The following PNMA8B variants were observed in gnomAD, a reference collection of about 807,000 sequenced individuals.
The protein encoded by PNMA8B is paraneoplastic antigen-like protein 8B.
For missense variants in PNMA8B, 887 were observed against 885.8 expected, an observed-to-expected ratio of 1.00 and a Z score of -0.02; for synonymous variants, 386 against 394.9, an observed-to-expected ratio of 0.98 and a Z score of 0.27.
rs1362830022 is a variant in PNMA8B at position 46,494,904 on chromosome 19, C to A, written c.562G>T (p.Ala188Ser). 6.2e-7 allele frequency: 1 copy of A among 1,611,844 alleles called. No homozygotes were observed. The highest frequency in any genetic ancestry group is 2.2e-5 in the East Asian group (1 of 44,874). The part of the protein sequence containing the change: ...KKRSRGGRPS[A>S]PARSEAEDSS... ...TCCTCGGCCTCACTCCTCGCGGGAG[C>A]AGACGGCCGTCCTCCTCGGCTTCTC... Residue 188 changes from alanine to serine, a missense_variant, in exon 1 of 1, where the codon GCT becomes TCT. Coordinates refer to ENST00000599531, the MANE Select transcript of PNMA8B (RefSeq NM_020709.3).
In PNMA8B at chr19:46,494,984, C is replaced by T; in HGVS notation, c.482G>A (p.Arg161His). 2 of 1,608,840 alleles carry T rather than the reference C, an allele frequency of 1.2e-6. No individual in the cohort carries two copies. Among genetic ancestry groups the T allele is most frequent in the South Asian group, 1.1e-5 (1 of 91,084 alleles). Residue 161 changes from arginine to histidine, a missense_variant, in exon 1 of 1, where the codon CGT (arginine) becomes CAT (histidine). Coordinates refer to ENST00000599531, the MANE Select transcript of PNMA8B (RefSeq NM_020709.3). ...TCTGGTTCTGTTTCTGCGACCCCGACGGCCCCTCCTTGGGTTCCTGGCTGC... is the reference window on the plus strand; with the variant it reads ...TCTGGTTCTGTTTCTGCGACCCCGATGGCCCCTCCTTGGGTTCCTGGCTGC... Reference protein sequence around the residue: ...LGAARNPRRGRRGRRNRTRRN... With the variant: ...LGAARNPRRGHRGRRNRTRRN...
At position 46,494,429 on chromosome 19, in the gene PNMA8B, G is replaced by A. The variant is rs1455178529; in HGVS notation, c.1037C>T (p.Ala346Val). ...AGCGATTTTCAACATCTCCTCCCGG[G>A]CCCAGGGGTCCGACGGGTCGGTATA... ...VAYTDPSDPWAREEMLKIASV... is the reference protein window; with the variant it reads ...VAYTDPSDPWVREEMLKIASV... Residue 346 changes from alanine to valine, a missense_variant, in exon 1 of 1, where the codon GCC becomes GTC. Coordinates refer to ENST00000599531, the MANE Select transcript of PNMA8B (RefSeq NM_020709.3). 1 of 1,613,880 alleles carries A rather than the reference G, an allele frequency of 6.2e-7. No individual in the cohort carries two copies. Among genetic ancestry groups the A allele is most frequent in the Non-Finnish European group, 8.5e-7 (1 of 1,179,898 alleles).
chr19:46,493,828 A>C lies in PNMA8B; in HGVS notation c.1638T>G (p.Thr546=). ...KRARTAPRGL[T]PAGAPPTASG... Reference sequence around the variant, plus strand: ...AAGCGGTGGGAGGCGCGCCGGCCGGAGTCAGGCCCCTGGGGGCCGTGCGCG... The same window carrying C: ...AAGCGGTGGGAGGCGCGCCGGCCGGCGTCAGGCCCCTGGGGGCCGTGCGCG... The change falls in exon 1 of 1, where the codon ACT becomes ACG. Residue 546 remains threonine (T), a synonymous_variant. Transcript: ENST00000599531. This position sits in a 1 kb window ranked among gnomAD's most constrained non-coding sequence, Gnocchi z 5.3. The C allele has an allele frequency of 7.5e-7, 1 of 1,334,754 alleles. No individual in the cohort carries two copies. Among genetic ancestry groups the C allele is most frequent in the Admixed American group, 3.5e-5 (1 of 28,706 alleles). The allele number at this position is 1,334,754 out of a possible 1,614,324, so 82.7% of individuals were successfully genotyped here.
Position 46,492,179 on chromosome 19 carries a change from C to T in PNMA8B, c.*1379G>A. 2.3e-6 allele frequency: 1 copy of T among 426,702 alleles called. No homozygotes were observed. The highest frequency in any genetic ancestry group is 4.8e-6 in the Non-Finnish European group (1 of 209,952). The allele number at this position is 426,702 out of a possible 1,614,324, so 26.4% of individuals were successfully genotyped here. ...TATTCCTTCCCAGGGACAAGTGGGG[C>T]AGGGCCCCCTGGCACGATGGGCTCC... On this transcript the variant is annotated 3_prime_UTR_variant, in exon 1 of 1. Coordinates refer to ENST00000599531, the MANE Select transcript of PNMA8B (RefSeq NM_020709.3).
At position 46,492,349 on chromosome 19, in the gene PNMA8B, G is replaced by C; in HGVS notation, c.*1209C>G. On this transcript the variant is annotated 3_prime_UTR_variant, in exon 1 of 1. Transcript: ENST00000599531. ...CGGGGTTGCAGGAGCTGAAGCATAC[G>C]GCACGGCACGGCACAGACTCACATA... The C allele has an allele frequency of 7.4e-6, 2 of 270,804 alleles. No individual in the cohort carries two copies. Among genetic ancestry groups the C allele is most frequent in the South Asian group, 6.0e-5 (2 of 33,344 alleles). The allele number at this position is 270,804 out of a possible 1,614,324, so 16.8% of individuals were successfully genotyped here.
In PNMA8B at chr19:46,494,503, G is replaced by A. The variant is rs767705304; in HGVS notation, c.963C>T (p.Asp321=). 1.2e-6 allele frequency: 2 copies of A among 1,613,900 alleles called. No individual in the cohort carries two copies. ...TSESDSQESG[D]QETEELDNPE... ...GATTATCCAACTCCTCTGTTTCTTG[G>A]TCCCCACTTTCCTGCGAGTCGCTCT... The change falls in exon 1 of 1, where the codon GAC becomes GAT. Residue 321 remains aspartate, a synonymous_variant. Transcript: ENST00000599531.
At position 46,493,867 on chromosome 19, in the gene PNMA8B, G is replaced by T. The variant is rs554234767; in HGVS notation, c.1599C>A (p.Pro533=). ...GGGCCGTGCGCGCCCTCTTGGCCCG[G>T]GGCTTCCTGGATGCCCTGTCCTCCG... is the stretch of plus-strand genomic sequence containing the variant. ...SEPEDRASRK[P]RAKRARTAPR... is the part of the protein sequence containing the mutation. The change falls in exon 1 of 1, where the codon CCC becomes CCA. Residue 533 remains proline, a synonymous_variant. Transcript: ENST00000599531. The surrounding 1 kb of genome is among the most constrained non-coding windows in gnomAD (Gnocchi z 5.3). The T allele has an allele frequency of 3.9e-6, 6 of 1,524,474 alleles. No individual in the cohort carries two copies. In the South Asian group the frequency reaches 6.4e-5, roughly 16 times the overall value. 94.4% of individuals were successfully genotyped at this position (1,524,474 alleles called of 1,614,324 possible).
At position 46,494,055 on chromosome 19, in the gene PNMA8B, C is replaced by A. The variant is rs764935818; in HGVS notation, c.1411G>T (p.Ala471Ser). The stretch of plus-strand genomic sequence containing the variant: ...TATTTGTACTTCCCGCCTTCCCAGG[C>A]GTTTTCTTTTTCCTCCTTCATCACC... Reference protein sequence around the residue: ...AEVMKEEKENAWEGGKYKYPK... With the variant: ...AEVMKEEKENSWEGGKYKYPK... Residue 471 changes from alanine (A) to serine (S), a missense_variant, in exon 1 of 1, where the codon GCC becomes TCC. Coordinates refer to ENST00000599531, the MANE Select transcript of PNMA8B (RefSeq NM_020709.3). 3.1e-6 allele frequency: 5 copies of A among 1,613,336 alleles called. 1 individual carries two copies. Among genetic ancestry groups the A allele is most frequent in the South Asian group, 2.2e-5 (2 of 91,072 alleles).
rs775236274 is a variant in PNMA8B at position 46,495,020 on chromosome 19, G to A, written c.446C>T (p.Ser149Leu). 1.5e-5 allele frequency: 24 copies of A among 1,609,474 alleles called. No homozygotes were observed. In the Admixed American group the frequency reaches 3.3e-4, roughly 22 times the overall value. The change falls in exon 1 of 1, where the codon TCG (serine) becomes TTG (leucine). Residue 149 changes from serine to leucine, a missense_variant. Ser to Leu is a moderately radical substitution (Grantham distance 145). Transcript: ENST00000599531. ...TGGGTTCCTGGCTGCCCCAAGAAGCGAGCCAGCCTGCCCTGTTACCTCCCC... is the reference window on the plus strand; with the variant it reads ...TGGGTTCCTGGCTGCCCCAAGAAGCAAGCCAGCCTGCCCTGTTACCTCCCC... ...DSGEVTGQAG[S>L]LLGAARNPRR... is the part of the protein sequence containing the mutation.
Position 46,495,336 on chromosome 19 carries a change from G to A in PNMA8B, c.130C>T (p.Leu44=), listed in dbSNP as rs1328045155. ...DVEAVLQPTL[L]PLGTFRLRHM... ...CGCAACCTGAACGTGCCCAGGGGCA[G>A]GAGGGTCGGCTGCAGGACGGCTTCG... is the stretch of plus-strand genomic sequence containing the variant. Residue 44 remains leucine, a synonymous_variant, in exon 1 of 1, where the codon CTG becomes TTG. Transcript: ENST00000599531. 1 of 1,293,730 alleles carries A rather than the reference G, an allele frequency of 7.7e-7. No individual in the cohort carries two copies. The highest frequency in any genetic ancestry group is 2.3e-5 in the East Asian group (1 of 43,454). The allele number at this position is 1,293,730 out of a possible 1,614,324, so 80.1% of individuals were successfully genotyped here.
chr19:46,493,344 C>A lies in PNMA8B; in HGVS notation c.*214G>T, dbSNP rs1970032487. The A allele has an allele frequency of 5.0e-6, 2 of 401,228 alleles. No individual in the cohort carries two copies. Among genetic ancestry groups the A allele is most frequent in the East Asian group, 3.6e-5 (1 of 27,764 alleles). 24.9% of individuals were successfully genotyped at this position (401,228 alleles called of 1,614,324 possible). A position where few individuals can be genotyped will look rare whatever the true frequency, so the allele number is the denominator to read the frequency against. ...GGCGCCCACTTCTCTTTCCTCCTCC[C>A]ATCCGGGCTTCCTCCGTCGGGATCG... On this transcript the variant is annotated 3_prime_UTR_variant, in exon 1 of 1. Transcript: ENST00000599531. This position sits in a 1 kb window ranked among gnomAD's most constrained non-coding sequence, Gnocchi z 5.3.
At position 46,493,702 on chromosome 19, in the gene PNMA8B, T is replaced by C. The variant is rs774764120; in HGVS notation, c.1764A>G (p.Ala588=). ...GSRGSAQDDA[A]GSRKKKGSAG... is the part of the protein sequence containing the mutation. Reference sequence around the variant, plus strand: ...CGCTCCCCTTCTTCTTCCTGCTTCCTGCGGCGTCGTCCTGGGCCGAGCCCC... The same window carrying C: ...CGCTCCCCTTCTTCTTCCTGCTTCCCGCGGCGTCGTCCTGGGCCGAGCCCC... The change falls in exon 1 of 1, where the codon GCA becomes GCG. Residue 588 remains alanine (A), a synonymous_variant. Transcript: ENST00000599531. This position sits in a 1 kb window ranked among gnomAD's most constrained non-coding sequence, Gnocchi z 5.3. 1.4e-5 allele frequency: 21 copies of C among 1,535,064 alleles called. No individual in the cohort carries two copies. Among genetic ancestry groups the C allele is most frequent in the Non-Finnish European group, 1.5e-5 (17 of 1,149,604 alleles).
rs1246562873 is a variant in PNMA8B, at chr19:46,494,993, C to T, written c.473G>A (p.Arg158Lys). ...GTTTCTGCGACCCCGACGGCCCCTC[C>T]TTGGGTTCCTGGCTGCCCCAAGAAG... ...GSLLGAARNP[R>K]RGRRGRRNRT... The change falls in exon 1 of 1, where the codon AGG becomes AAG. Residue 158 changes from arginine (R) to lysine (K), a missense_variant. Coordinates refer to ENST00000599531, the MANE Select transcript of PNMA8B (RefSeq NM_020709.3). 1.2e-6 allele frequency: 2 copies of T among 1,609,042 alleles called. No individual in the cohort carries two copies. Among genetic ancestry groups the T allele is most frequent in the South Asian group, 2.2e-5 (2 of 91,082 alleles).
rs1970084824 is a variant in PNMA8B, at chr19:46,495,666, C to T, written c.-201G>A. 1.6e-6 allele frequency: 1 copy of T among 621,588 alleles called. No individual in the cohort carries two copies. The highest frequency in any genetic ancestry group is 1.8e-5 in the African/African-American group (1 of 54,252). The allele number at this position is 621,588 out of a possible 1,614,324, so 38.5% of individuals were successfully genotyped here. Reference sequence around the variant, plus strand: ...CTGGCCGGCTGGACGCAGTGACCTTCCCCCGGGACCCCTCTCCAGAGCTGT... The same window carrying T: ...CTGGCCGGCTGGACGCAGTGACCTTTCCCCGGGACCCCTCTCCAGAGCTGT... On this transcript the variant is annotated 5_prime_UTR_variant, in exon 1 of 1. Transcript: ENST00000599531.
rs1482094492 is a variant in PNMA8B at position 46,495,399 on chromosome 19, C to T, written c.67G>A (p.Val23Ile). 7.0e-7 allele frequency: 1 copy of T among 1,418,678 alleles called. No individual in the cohort carries two copies. The highest frequency in any genetic ancestry group is 1.7e-5 in the Admixed American group (1 of 59,780). 87.9% of individuals were successfully genotyped at this position (1,418,678 alleles called of 1,614,324 possible). A position where few individuals can be genotyped will look rare whatever the true frequency, so the allele number is the denominator to read the frequency against. Residue 23 changes from valine to isoleucine, a missense_variant, in exon 1 of 1, where the codon GTC becomes ATC. By Grantham distance (29) the Val-to-Ile change is conservative. Transcript: ENST00000599531. ...TCCAGGCCCTCCGGGATGCCGGTGACCAGCAGGGCCCTGTGCGCGTCCACG... is the reference window on the plus strand; with the variant it reads ...TCCAGGCCCTCCGGGATGCCGGTGATCAGCAGGGCCCTGTGCGCGTCCACG... ...LDVDAHRALL[V>I]TGIPEGLEQA... is the part of the protein sequence containing the mutation.
Position 46,493,593 on chromosome 19 carries a change from G to A in PNMA8B, c.1873C>T (p.Arg625Cys), listed in dbSNP as rs1601503130. Residue 625 changes from arginine (R) to cysteine (C), a missense_variant, in exon 1 of 1, where the codon CGT becomes TGT. Physicochemically the swap from Arg to Cys is radical, Grantham distance 180. Transcript: ENST00000599531. The surrounding 1 kb of genome is among the most constrained non-coding windows in gnomAD (Gnocchi z 5.3). ...TTAGGGGGCAGCCTCCGGCCCCGAC[G>A]GGCCTTCTTCCCGCGCGCGGCCTTG... Reference protein sequence around the residue: ...GSKAARGKKARRGRRLPPKCR With the variant: ...GSKAARGKKACRGRRLPPKCR 6.8e-7 allele frequency: 1 copy of A among 1,480,690 alleles called. No individual in the cohort carries two copies. The highest frequency in any genetic ancestry group is 8.9e-7 in the Non-Finnish European group (1 of 1,125,906). 91.7% of individuals were successfully genotyped at this position (1,480,690 alleles called of 1,614,324 possible).
At position 46,494,139 on chromosome 19, in the gene PNMA8B, C is replaced by T; in HGVS notation, c.1327G>A (p.Glu443Lys). 6.2e-7 allele frequency: 1 copy of T among 1,611,272 alleles called. No homozygotes were observed. Among genetic ancestry groups the T allele is most frequent in the Non-Finnish European group, 8.5e-7 (1 of 1,179,872 alleles). The change falls in exon 1 of 1, where the codon GAG (glutamate) becomes AAG (lysine). Residue 443 changes from glutamate (E) to lysine (K), a missense_variant. Physicochemically the swap from Glu to Lys is moderately conservative, Grantham distance 56. Coordinates refer to ENST00000599531, the MANE Select transcript of PNMA8B (RefSeq NM_020709.3). ...AGCTCCAGAAGACCCCCTTCGTCCT[C>T]ACGGTGCTCGCTCCAGCCCCCGAAG... ...GLFGGWSEHR[E>K]DEGGLLELVA...
chr19:46,495,489 C>T lies in PNMA8B; in HGVS notation c.-24G>A, dbSNP rs756056235. Reference sequence around the variant, plus strand: ...ATGGTGCAGCCCCCTTGGCGCTGATCTTGGGGCAGCAGGGAGCCCGAGATA... The same window carrying T: ...ATGGTGCAGCCCCCTTGGCGCTGATTTTGGGGCAGCAGGGAGCCCGAGATA... On this transcript the variant is annotated 5_prime_UTR_variant, in exon 1 of 1. Coordinates refer to ENST00000599531, the MANE Select transcript of PNMA8B (RefSeq NM_020709.3). 6.3e-7 allele frequency: 1 copy of T among 1,577,336 alleles called. No individual in the cohort carries two copies. Among genetic ancestry groups the T allele is most frequent in the Non-Finnish European group, 8.6e-7 (1 of 1,158,612 alleles).
rs1386754240 is a variant in PNMA8B, at chr19:46,495,503, G to T, written c.-38C>A. 3.2e-6 allele frequency: 5 copies of T among 1,563,246 alleles called. No individual in the cohort carries two copies. Among genetic ancestry groups the T allele is most frequent in the Non-Finnish European group, 4.3e-6 (5 of 1,152,184 alleles). The stretch of plus-strand genomic sequence containing the variant: ...TTGGCGCTGATCTTGGGGCAGCAGG[G>T]AGCCCGAGATAGGGGTGGGCTGCAG... On this transcript the variant is annotated 5_prime_UTR_variant, in exon 1 of 1. Coordinates refer to ENST00000599531, the MANE Select transcript of PNMA8B (RefSeq NM_020709.3).
Sources: gnomAD v4.1 joint callset for allele counts on GRCh38, gnomAD v4.1.1 for gene constraint, Gnocchi (gnomAD v3.1) non-coding constraint, MANE v1.5 for transcripts, NCBI Gene and HGNC (gene_info 2026-07-23, HGNC 2026-07-21) for gene names.